JAZF1: variants seen among roughly 807,000 people sequenced by gnomAD.
JAZF1 encodes the protein juxtaposed with another zinc finger protein 1.
In JAZF1, 8 loss-of-function variants were observed where a neutral mutation model predicts 26.4. That is an observed-to-expected ratio of 0.30 (90% CI 0.18 to 0.55). JAZF1 has a LOEUF of 0.55. JAZF1 is among the 20% of genes least tolerant of loss of function. JAZF1 has a pLI of 0.94. For missense variants in JAZF1, 199 were observed against 322.0 expected, an observed-to-expected ratio of 0.62 and a Z score of 2.92; for synonymous variants, 126 against 122.3, an observed-to-expected ratio of 1.03 and a Z score of -0.20.
At chr7:28,070,361 C>T (rs773585912) in intron 1 of JAZF1, among the ~76,000 whole-genome samples, 3 of 152,178 alleles carry the variant, frequency 2.0e-5, no homozygotes, top group Non-Finnish European at 2.9e-5. Context: ...TGAAAACATA[C>T]ATGTGGCCAC....
At chr7:28,075,770 C>T (rs1241669741) in intron 1 of JAZF1, among the ~76,000 whole-genome samples, 1 of 152,008 alleles carries the variant, frequency 6.6e-6, no homozygotes, top group Non-Finnish European at 1.5e-5. Flanking sequence ...AAAAAAAAGG[C>T]TGTGCACTAT....
At chr7:28,111,736 CA>C (rs1345809870) in intron 1 of JAZF1, among the ~76,000 whole-genome samples, 9 of 152,150 alleles carry the variant, frequency 5.9e-5, no homozygotes, top group African/African-American at 2.2e-4. Context: ...ATAACAACAA[CA>C]GTGTATTTAC....
chr7:28,172,830 G>A (rs1387231663), intron 1 of JAZF1, among the ~76,000 whole-genome samples: 1 of 152,136 alleles, frequency 6.6e-6, no homozygotes, highest in African/African-American at 2.4e-5. Context: ...GGGATAACTT[G>A]ACACAGAGAT....
In JAZF1 at chr7:27,843,939, T is replaced by A. The variant is rs1483027895; in HGVS notation, c.386-3072A>T. Reference sequence around the variant, plus strand: ...AATGCTATGTGAGCTGTTTATCTCATTTACTGTTGCCTTGCTCTCTCTTGA... The same window carrying A: ...AATGCTATGTGAGCTGTTTATCTCAATTACTGTTGCCTTGCTCTCTCTTGA... On this transcript the variant is annotated intron_variant, in intron 3 of 4. Transcript: ENST00000283928. The A allele has an allele frequency of 2.6e-5, 4 of 152,288 alleles. No individual in the cohort carries two copies. The East Asian group carries it at 7.7e-4, about 29-fold the overall frequency. 9.4% of individuals were successfully genotyped at this position (152,288 alleles called of 1,614,324 possible).
At chr7:28,109,916 TAAAAAA>T (rs1784615156) in intron 1 of JAZF1, among the ~76,000 whole-genome samples, 2 of 152,166 alleles carry the variant, frequency 1.3e-5, no homozygotes, top group Non-Finnish European at 2.9e-5. Context: ...TAAGTGAATT[TAAAAAA>T]GTAGTAGTAT....
chr7:27,920,097 G>T lies in JAZF1; in HGVS notation c.189-24681C>A, dbSNP rs115158577. Among the ~76,000 whole-genome samples the T allele has an allele frequency of 3.1e-3, 476 of 152,236 alleles. 3 individuals are homozygous for T. The highest frequency in any genetic ancestry group is 9.7e-3 in the African/African-American group (404 of 41,526). On this transcript the variant is annotated intron_variant, in intron 2 of 4. Transcript: ENST00000283928. ...CCAAAACTAATCCACATTATTGTAA[G>T]GTACATCCAATATTAAAGGCACTAT... is the stretch of plus-strand genomic sequence containing the variant.
intron 2 of JAZF1, among the ~76,000 whole-genome samples, chr7:27,971,772 G>A (rs1562544613): frequency 6.6e-6 from 1 of 152,176 alleles, no homozygotes; most frequent in East Asian, 1.9e-4. Flanking sequence ...TATGGTGGGG[G>A]TGGAAGGGAA....
chr7:27,890,268 G>A (rs1783946520), intron 3 of JAZF1, among the ~76,000 whole-genome samples: 1 of 152,192 alleles, frequency 6.6e-6, no homozygotes, highest in Admixed American at 6.5e-5. Context: ...TAACAGTTTA[G>A]CAAACAGCTT....
chr7:28,023,672 G>A (rs769940953), intron 1 of JAZF1, among the ~76,000 whole-genome samples: 9 of 152,190 alleles, frequency 5.9e-5, no homozygotes, highest in Non-Finnish European at 1.2e-4. Context: ...TTTAGAATGC[G>A]TGTTAATGAG....
intron 2 of JAZF1, among the ~76,000 whole-genome samples, chr7:27,904,070 T>G (rs1201687157): frequency 6.6e-6 from 1 of 152,268 alleles, no homozygotes; most frequent in Admixed American, 6.5e-5. Flanking sequence ...CAGTCTAACA[T>G]GGAGAGTAAG....
chr7:28,132,496 G>A (rs1451647032), intron 1 of JAZF1, among the ~76,000 whole-genome samples: 2 of 152,166 alleles, frequency 1.3e-5, no homozygotes, highest in African/African-American at 4.8e-5. Flanking sequence ...AGATTCTTAA[G>A]GGTGGTAAGG....
intron 1 of JAZF1, among the ~76,000 whole-genome samples, chr7:28,159,290 C>A (rs1449810293): frequency 1.3e-5 from 2 of 151,752 alleles, no homozygotes; most frequent in Non-Finnish European, 2.9e-5. Flanking sequence ...ACTTTTGCAA[C>A]TTTTCAGTAA....
At chr7:27,986,260 C>T (rs36199538) in intron 2 of JAZF1, among the ~76,000 whole-genome samples, 50,513 of 152,100 alleles carry the variant, frequency 0.33, 9,406 homozygotes, top group Middle Eastern at 0.44. Context: ...GCAACTTCAG[C>T]GAAGTCTCAG....
At chr7:27,956,896 AAAGC>A (rs773435364) in intron 2 of JAZF1, among the ~76,000 whole-genome samples, 32 of 152,236 alleles carry the variant, frequency 2.1e-4, no homozygotes, top group Non-Finnish European at 4.3e-4. Flanking sequence ...TGTCACTGCC[AAAGC>A]AAGAGTCTAT....
chr7:27,914,259 G>A (rs907713888), intron 2 of JAZF1, among the ~76,000 whole-genome samples: 5 of 152,170 alleles, frequency 3.3e-5, no homozygotes, highest in African/African-American at 4.8e-5. Context: ...GTACCTGTAC[G>A]TGGGCTGAGG....
intron 1 of JAZF1, among the ~76,000 whole-genome samples, chr7:28,005,705 C>A (rs1782689103): frequency 6.6e-6 from 1 of 152,024 alleles, no homozygotes; most frequent in South Asian, 2.1e-4. Flanking sequence ...ATTCTACTTG[C>A]TAATGAGTAG....
At chr7:28,040,006 T>C (rs942514936) in intron 1 of JAZF1, among the ~76,000 whole-genome samples, 22 of 152,226 alleles carry the variant, frequency 1.4e-4, no homozygotes, top group African/African-American at 5.1e-4. Flanking sequence ...GCAGGTCTGA[T>C]GTTATTAAAG....
In JAZF1 at chr7:28,109,152, T is replaced by C. The variant is rs139335687; in HGVS notation, c.115+71311A>G. ...GGGATGTAATTAATAGCACAGTAAC[T>C]ATCGTTAACAATACTGTTTTACATA... is the stretch of plus-strand genomic sequence containing the variant. On this transcript the variant is annotated intron_variant, in intron 1 of 4. Transcript: ENST00000283928. 1.1e-4 allele frequency among the ~76,000 whole-genome samples: 17 copies of C among 152,322 alleles called. No individual in the cohort carries two copies. The East Asian group carries it at 3.3e-3, about 29-fold the overall frequency.
chr7:28,002,018 A>G (rs1782600079), intron 1 of JAZF1, among the ~76,000 whole-genome samples: 1 of 152,166 alleles, frequency 6.6e-6, no homozygotes, highest in South Asian at 2.1e-4. Context: ...AGAAGTCTGG[A>G]ACTCAAAGGG....
Sources: gnomAD v4.1 joint callset for allele counts (sites outside exome capture counted in the v4.1 genomes callset) on GRCh38, gnomAD v4.1.1 for gene constraint, MANE v1.5 for transcripts, NCBI Gene and HGNC (gene_info 2026-07-23, HGNC 2026-07-21) for gene names.